The following CPLANE1 variants were observed in gnomAD, a reference collection of about 807,000 sequenced individuals.
The protein encoded by CPLANE1 is ciliogenesis and planar polarity effector complex subunit 1.
A neutral mutation model predicts 362.5 loss-of-function variants in CPLANE1; 263 were observed. That is an observed-to-expected ratio of 0.73 (90% confidence interval 0.66 to 0.80). The LOEUF is 0.80. Among genes scored for constraint, CPLANE1 ranks in the 30% least tolerant of loss-of-function variants. CPLANE1 has a pLI of 0.00. For synonymous variants in CPLANE1, 1,212 were observed against 1,302.6 expected (o/e 0.93, Z 1.50); for missense variants, 3,461 against 3,793.4 (o/e 0.91, Z 2.30).
intron 45 of CPLANE1, 146 bp from the exon 46 acceptor site, chr5:37,138,994 A>C: frequency 1.4e-6 from 1 of 719,308 alleles, no homozygotes; most frequent in Non-Finnish European, 2.1e-6. Context: ...AGTATCTCTC[A>C]GTGAAAAAGA....
At chr5:37,077,728 C>G in the CPLANE1 span, among the ~76,000 whole-genome samples, 1 of 151,294 alleles carries the variant, frequency 6.6e-6, no homozygotes, top group African/African-American at 2.4e-5. Context: ...ATCCTCCCAC[C>G]TCAGCCTCCC....
intron 30 of CPLANE1, among the ~76,000 whole-genome samples, chr5:37,176,989 A>G (rs1580444160): frequency 1.3e-5 from 2 of 152,004 alleles, no homozygotes; most frequent in South Asian, 4.2e-4. Context: ...TGATCTCTTG[A>G]CCTCATGATC....
chr5:37,187,972 T>C, intron 21 of CPLANE1, 130 bp from the exon 22 acceptor site: 1 of 506,498 alleles, frequency 2.0e-6, no homozygotes, highest in Non-Finnish European at 3.4e-6. Context: ...AATGAACACA[T>C]GCTCATTGTA....
chr5:37,184,456 C>A (rs1783456010), intron 25 of CPLANE1, among the ~76,000 whole-genome samples: 1 of 151,962 alleles, frequency 6.6e-6, no homozygotes, highest in African/African-American at 2.4e-5. Context: ...ATATGGCTAA[C>A]TCAGTAACCT....
chr5:37,222,042 A>C (rs1245467848), intron 14 of CPLANE1, among the ~76,000 whole-genome samples: 4 of 152,034 alleles, frequency 2.6e-5, no homozygotes, highest in Non-Finnish European at 5.9e-5. Context: ...AAGCAGAAGA[A>C]ACAGTTATCC....
intron 43 of CPLANE1, among the ~76,000 whole-genome samples, chr5:37,144,148 G>A (rs550298068): frequency 4.0e-5 from 6 of 151,008 alleles, no homozygotes; most frequent in South Asian, 4.2e-4. Flanking sequence ...GGTGGCTCAC[G>A]CTTGTAATCC....
At chr5:37,225,852 C>CAAAAAA (rs70976285) in intron 12 of CPLANE1, among the ~76,000 whole-genome samples, 1 of 57,738 alleles carries the variant, frequency 1.7e-5, no homozygotes, top group East Asian at 5.9e-4. Flanking sequence ...TACTCCATCT[C>CAAAAAA]AAAAAAAAAA....
chr5:37,108,438 GTA>G lies in CPLANE1; in HGVS notation c.9432_9433del (p.Thr3145LysfsTer20). ...AAGCCCAGCACTTCCATGTTTTTTT[GTA>G]TGCTGCAGACTATGACACGGAGCAT... On this transcript the variant is annotated frameshift_variant, in exon 52 of 53. Coordinates refer to ENST00000651892, the MANE Select transcript of CPLANE1 (RefSeq NM_001384732.1). LOFTEE classifies it high-confidence loss of function. 6.2e-7 allele frequency: 1 copy of G among 1,614,086 alleles called. No homozygotes were observed. The highest frequency in any genetic ancestry group is 8.5e-7 in the Non-Finnish European group (1 of 1,179,990).
intron 9 of CPLANE1, among the ~76,000 whole-genome samples, chr5:37,230,426 T>C (rs1213509218): frequency 6.6e-6 from 1 of 152,052 alleles, no homozygotes; most frequent in African/African-American, 2.4e-5. Flanking sequence ...AAAAAAATTT[T>C]AAAACAACAA....
At chr5:37,242,353 C>CA (rs947159186) in intron 6 of CPLANE1, among the ~76,000 whole-genome samples, 167 of 132,684 alleles carry the variant, frequency 1.3e-3, no homozygotes, top group East Asian at 3.5e-3. Context: ...GACTCCATCT[C>CA]AAAAAAAAAA....
chr5:37,112,753 CA>C (rs1759721184), intron 51 of CPLANE1, among the ~76,000 whole-genome samples: 1 of 152,158 alleles, frequency 6.6e-6, no homozygotes, highest in Admixed American at 6.5e-5. Flanking sequence ...ATTTGTGAGT[CA>C]CAGTCTAGCT....
chr5:37,122,424 A>T lies in CPLANE1; in HGVS notation c.9017+6T>A. 2 of 1,611,260 alleles carry T rather than the reference A, an allele frequency of 1.2e-6. No homozygotes were observed. Among genetic ancestry groups the T allele is most frequent in the Non-Finnish European group, 1.7e-6 (2 of 1,178,096 alleles). On this transcript the variant is annotated splice_donor_region_variant and intron_variant, in intron 48 of 52. Transcript: ENST00000651892. ...GAAAACACAGGGTTACAGCTACCAA[A>T]CTCACCTGTCTTTTTCATGCTTCAT... is the stretch of plus-strand genomic sequence containing the variant.
chr5:37,147,690 C>A (rs968410091), intron 43 of CPLANE1, among the ~76,000 whole-genome samples: 3 of 152,070 alleles, frequency 2.0e-5, no homozygotes, highest in African/African-American at 7.2e-5. Context: ...AAAGAGAACA[C>A]AGGTATGAAC....
In CPLANE1 at chr5:37,205,315, C is replaced by T. The variant is rs1380357933; in HGVS notation, c.3289G>A (p.Asp1097Asn). Reference sequence around the variant, plus strand: ...ATCAGACTATACATACATAACACACCTGTAAACTGTTTATATTTTGAGCCC... The same window carrying T: ...ATCAGACTATACATACATAACACACTTGTAAACTGTTTATATTTTGAGCCC... ...EMGSKYKQFTDPIEEEDANLL... is the reference protein window; with the variant it reads ...EMGSKYKQFTNPIEEEDANLL... Residue 1097 changes from aspartate to asparagine, a missense_variant and splice_region_variant, in exon 18 of 53, where the codon GAT becomes AAT. By Grantham distance (23) the Asp-to-Asn change is conservative. This residue lies in a region of CPLANE1 where 3,380 missense variants were observed against 3,666.1 expected (regional missense o/e 0.92). Coordinates refer to ENST00000651892, the MANE Select transcript of CPLANE1 (RefSeq NM_001384732.1). The T allele has an allele frequency of 1.3e-6, 2 of 1,549,914 alleles. No homozygotes were observed. The highest frequency in any genetic ancestry group is 2.7e-5 in the African/African-American group (2 of 72,982).
intron 46 of CPLANE1, among the ~76,000 whole-genome samples, chr5:37,128,865 A>C (rs530618963): frequency 9.3e-5 from 14 of 151,116 alleles, no homozygotes; most frequent in Admixed American, 4.6e-4. Context: ...CCAAAAAAAA[A>C]CAAAAAAAAA....
chr5:37,158,635 C>T (rs184188358), intron 38 of CPLANE1, among the ~76,000 whole-genome samples: 6 of 152,126 alleles, frequency 3.9e-5, no homozygotes, highest in Admixed American at 3.3e-4. Context: ...TTCCTATTTC[C>T]GTATCAGATA....
At chr5:37,109,241 G>A (rs1579749592) in intron 51 of CPLANE1, among the ~76,000 whole-genome samples, 1 of 152,280 alleles carries the variant, frequency 6.6e-6, no homozygotes, top group East Asian at 1.9e-4. Context: ...TGAAGTTTGG[G>A]CCCTCTTTGT....
Position 37,158,317 on chromosome 5 carries a change from G to A in CPLANE1, c.7719C>T (p.Leu2573=). 6.2e-7 allele frequency: 1 copy of A among 1,613,604 alleles called. No individual in the cohort carries two copies. The highest frequency in any genetic ancestry group is 8.5e-7 in the Non-Finnish European group (1 of 1,179,746). The change falls in exon 39 of 53, where the codon CTC becomes CTT. Residue 2573 remains leucine (L), a synonymous_variant. Coordinates refer to ENST00000651892, the MANE Select transcript of CPLANE1 (RefSeq NM_001384732.1). ...GATTTAGATAGACATCTGGGACCAAGAGCTGAGGAGCAGTCAAAGGCTCAT... is the reference window on the plus strand; with the variant it reads ...GATTTAGATAGACATCTGGGACCAAAAGCTGAGGAGCAGTCAAAGGCTCAT... ...PEHEPLTAPQ[L]LVPDVYLNLK...
intron 42 of CPLANE1, among the ~76,000 whole-genome samples, chr5:37,153,235 C>A (rs1192453458): frequency 2.6e-5 from 4 of 152,022 alleles, no homozygotes; most frequent in African/African-American, 9.7e-5. Context: ...TCCCAACAAA[C>A]AAAACTTTAA....
Sources: gnomAD v4.1 joint callset for allele counts (sites outside exome capture counted in the v4.1 genomes callset) on GRCh38, gnomAD v4.1.1 for gene constraint, gnomAD v4.1.1 regional missense constraint, MANE v1.5 for transcripts, NCBI Gene and HGNC (gene_info 2026-07-23, HGNC 2026-07-21) for gene names.